DYM: variants seen among roughly 807,000 people sequenced by gnomAD.
The protein encoded by DYM is dyggve-Melchior-Clausen syndrome protein.
In DYM, 78 loss-of-function variants were observed where a neutral mutation model predicts 93.1. The observed-to-expected ratio is 0.84, with a 90% confidence interval of 0.70 to 1.01. The LOEUF (loss-of-function observed/expected upper bound fraction) is 1.01, where lower values mean the gene tolerates loss of function less well. Ranked by LOEUF, DYM falls within the 50% of genes least tolerant of loss-of-function variation. The pLI, the probability that DYM is intolerant of heterozygous loss-of-function variation, is 0.00. For missense variants in DYM, 789 were observed against 845.0 expected (o/e 0.93, Z 0.82); for synonymous variants, 321 against 319.7 (o/e 1.00, Z -0.04).
chr18:49,266,335 G>A lies in DYM; in HGVS notation c.1251+5843C>T, dbSNP rs1186021335. On this transcript the variant is annotated intron_variant, in intron 11 of 17. Transcript: ENST00000675505. ...TTAAAAAATATATTGCATAATGAAG[G>A]TCTGGTATGGTGGCTCACACCTGTA... 2.0e-5 allele frequency among the ~76,000 whole-genome samples: 3 copies of A among 152,102 alleles called. No homozygotes were observed. The East Asian group carries it at 5.8e-4, about 29-fold the overall frequency.
intron 16 of DYM, among the ~76,000 whole-genome samples, chr18:49,100,626 AAAC>A (rs2080038201): frequency 1.3e-5 from 2 of 152,230 alleles, no homozygotes; most frequent in African/African-American, 2.4e-5. Context: ...GAAAATGATA[AAAC>A]AACCACTTGC....
chr18:49,445,291 G>A (rs1662858336), intron 1 of DYM, among the ~76,000 whole-genome samples: 1 of 152,146 alleles, frequency 6.6e-6, no homozygotes, highest in South Asian at 2.1e-4. Context: ...AGCAAAGAAA[G>A]GTTAAGTAAC....
In DYM at chr18:49,316,759, T is replaced by C. The variant is rs547351943; in HGVS notation, c.763+15105A>G. Among the ~76,000 whole-genome samples the C allele has an allele frequency of 7.3e-5, 11 of 150,190 alleles. No individual in the cohort carries two copies. In the South Asian group the frequency reaches 2.3e-3, roughly 32 times the overall value. ...CTGGCTATCACTGATCTTTTTACTA[T>C]CTCTCTTTTTTTTTTGCACTTTCCA... On this transcript the variant is annotated intron_variant, in intron 8 of 17. Coordinates refer to ENST00000675505, the MANE Select transcript of DYM (RefSeq NM_001353214.3).
At chr18:49,236,552 T>G (rs1020248303) in intron 13 of DYM, among the ~76,000 whole-genome samples, 2 of 152,162 alleles carry the variant, frequency 1.3e-5, no homozygotes. Flanking sequence ...CTATTTGAAT[T>G]TGATCAAATA....
chr18:49,072,018 C>T (rs901476699), intron 17 of DYM, among the ~76,000 whole-genome samples: 1 of 152,246 alleles, frequency 6.6e-6, no homozygotes, highest in Non-Finnish European at 1.5e-5. Flanking sequence ...ACTCAACAGA[C>T]TGGCCTACAA....
At position 49,044,016 on chromosome 18, in the gene DYM, G is replaced by C. The variant is rs372074071; in HGVS notation, c.*39C>G. On this transcript the variant is annotated 3_prime_UTR_variant, in exon 18 of 18. Transcript: ENST00000675505. ...CAGAAATAAAAGAACTTGAAGGGCT[G>C]CTTGGCTGGAGGGGTCCGGGTGGGA... 15 of 1,611,264 alleles carry C rather than the reference G, an allele frequency of 9.3e-6. No individual in the cohort carries two copies. Among genetic ancestry groups the C allele is most frequent in the Middle Eastern group, 2.1e-4 (1 of 4,652 alleles).
At chr18:49,441,097 AAATATATAT>A (rs2081442667) in intron 1 of DYM, among the ~76,000 whole-genome samples, 1 of 8,458 alleles carries the variant, frequency 1.2e-4, no homozygotes, top group Non-Finnish European at 2.5e-4. Context: ...TATTATATAT[AAATATATAT>A]TAATATAAAT....
At chr18:49,433,239 T>C (rs1342300277) in intron 1 of DYM, among the ~76,000 whole-genome samples, 2 of 152,214 alleles carry the variant, frequency 1.3e-5, no homozygotes, top group African/African-American at 4.8e-5. Context: ...AATGTTACAA[T>C]ACTGTAGGAG....
In DYM at chr18:49,036,752, T is replaced by C. The variant is rs1014775245; in HGVS notation, c.*7303A>G. ...TGTGTGTGTGTAGAGACAGGAGGGT[T>C]TCACCATGTTATCCAGGCTGGCTCT... On this transcript the variant is annotated 3_prime_UTR_variant, in exon 18 of 18. Transcript: ENST00000675505. 6.6e-6 allele frequency among the ~76,000 whole-genome samples: 1 copy of C among 151,814 alleles called. No individual in the cohort carries two copies. The highest frequency in any genetic ancestry group is 2.4e-5 in the African/African-American group (1 of 41,318).
intron 13 of DYM, among the ~76,000 whole-genome samples, chr18:49,214,191 T>A (rs2092924528): frequency 6.6e-6 from 1 of 152,212 alleles, no homozygotes. Context: ...GGAACTGGGC[T>A]ACATAGCAGT....
rs1399901500 is a variant in DYM, at chr18:49,039,519, C to T, written c.*4536G>A. Reference sequence around the variant, plus strand: ...TTCTTCTACTCTTTTGAGATGCCAACTACCCTGCATGTCTGAGCAGGTCAG... The same window carrying T: ...TTCTTCTACTCTTTTGAGATGCCAATTACCCTGCATGTCTGAGCAGGTCAG... On this transcript the variant is annotated 3_prime_UTR_variant, in exon 18 of 18. Transcript: ENST00000675505. 6.6e-6 allele frequency among the ~76,000 whole-genome samples: 1 copy of T among 152,148 alleles called. No homozygotes were observed. The highest frequency in any genetic ancestry group is 6.5e-5 in the Admixed American group (1 of 15,278).
At chr18:49,321,527 T>C in intron 8 of DYM, 2 of 393,936 alleles carry the variant, frequency 5.1e-6, no homozygotes, top group Admixed American at 4.4e-5. Context: ...ATGAATATCA[T>C]TTTTAAAACA....
intron 11 of DYM, among the ~76,000 whole-genome samples, chr18:49,265,568 C>T (rs1327400234): frequency 6.6e-6 from 1 of 151,658 alleles, no homozygotes; most frequent in Non-Finnish European, 1.5e-5. Flanking sequence ...CACCTGAGGT[C>T]GCGAGTTCGA....
intron 17 of DYM, among the ~76,000 whole-genome samples, chr18:49,069,508 T>C (rs998629373): frequency 6.6e-6 from 1 of 152,250 alleles, no homozygotes; most frequent in African/African-American, 2.4e-5. Flanking sequence ...TATATTTTCA[T>C]GAGTAGCATG....
intron 2 of DYM, among the ~76,000 whole-genome samples, chr18:49,427,243 G>T (rs915857060): frequency 1.3e-5 from 2 of 152,006 alleles, no homozygotes; most frequent in Non-Finnish European, 2.9e-5. Flanking sequence ...GAAATATATG[G>T]AATAAAAGAA....
At chr18:49,067,048 A>G (rs1385241140) in intron 17 of DYM, among the ~76,000 whole-genome samples, 1 of 150,650 alleles carries the variant, frequency 6.6e-6, no homozygotes, top group Admixed American at 6.7e-5. Context: ...CAGAAGCAGC[A>G]TATACTAAAC....
chr18:49,448,831 A>C (rs936973765), intron 1 of DYM, among the ~76,000 whole-genome samples: 1 of 152,220 alleles, frequency 6.6e-6, no homozygotes, highest in African/African-American at 2.4e-5. Flanking sequence ...TTTCTTTTGC[A>C]CAGGGCATGG....
intron 15 of DYM, among the ~76,000 whole-genome samples, chr18:49,160,459 C>G (rs2086961038): frequency 6.6e-6 from 1 of 151,738 alleles, no homozygotes; most frequent in African/African-American, 2.4e-5. Flanking sequence ...ACTGAAAGTA[C>G]TCTATGTACT....
At position 49,289,780 on chromosome 18, in the gene DYM, TATATATATACACAC is replaced by T. The variant is rs779348385; in HGVS notation, c.764-3178_764-3165del. On this transcript the variant is annotated intron_variant, in intron 8 of 17. Transcript: ENST00000675505. Reference sequence around the variant, plus strand: ...ATATATATATATATATATACACATATATATATATACACACATATATATATATATACACATATATA... The same window carrying T: ...ATATATATATATATATATACACATATATATATATATATATACACATATATA... Among the ~76,000 whole-genome samples, 79 of 52,704 alleles carry T rather than the reference TATATATATACACAC, an allele frequency of 1.5e-3. 2 individuals carry two copies. In the East Asian group the frequency reaches 0.02, roughly 13 times the overall value. 34.6% of individuals were successfully genotyped at this position (52,704 alleles called of 152,430 possible). A position where few individuals can be genotyped will look rare whatever the true frequency, so the allele number is the denominator to read the frequency against.
Sources: allele counts gnomAD v4.1 joint callset (sites outside exome capture counted in the v4.1 genomes callset), GRCh38; gene constraint gnomAD v4.1.1; transcripts MANE v1.5; gene names NCBI Gene and HGNC (gene_info 2026-07-23, HGNC 2026-07-21).